DLGAP2: variants seen among roughly 807,000 people sequenced by gnomAD.
DLGAP2 encodes DLG associated protein 2, also known as disks large-associated protein 2.
DLGAP2 carries 26 observed loss-of-function variants against 100.3 expected under a neutral mutation model. The observed-to-expected ratio is 0.26, with a 90% CI of 0.19 to 0.36. The LOEUF (loss-of-function observed/expected upper bound fraction) is 0.36, where lower values mean the gene tolerates loss of function less well. Ranked by LOEUF, DLGAP2 falls within the 10% of genes least tolerant of loss-of-function variation. The probability of loss-of-function intolerance (pLI) is 1.00; values close to 1 mark genes in which losing one functional copy is unlikely to be tolerated. For synonymous variants in DLGAP2, 886 were observed against 630.1 expected, an observed-to-expected ratio of 1.41 and a Z score of -6.08; for missense variants, 1,858 against 1,453.2, an observed-to-expected ratio of 1.28 and a Z score of -4.53.
intron 4 of DLGAP2, among the ~76,000 whole-genome samples, chr8:1,522,069 CG>C (rs1408540158): frequency 6.6e-6 from 1 of 150,712 alleles, no homozygotes; most frequent in Admixed American, 6.6e-5. Flanking sequence ...TTGGAATACT[CG>C]GGGGCAGGTG....
At chr8:1,192,239 T>C (rs1035107551) in intron 2 of DLGAP2, among the ~76,000 whole-genome samples, 2 of 152,222 alleles carry the variant, frequency 1.3e-5, no homozygotes, top group African/African-American at 4.8e-5. Context: ...AGGTGCCAGC[T>C]GAGCTGGGCA....
chr8:1,483,325 G>C (rs979443046), intron 3 of DLGAP2, among the ~76,000 whole-genome samples: 66 of 152,332 alleles, frequency 4.3e-4, no homozygotes, highest in Admixed American at 7.8e-4. Context: ...GTGGCGGGCA[G>C]AGACTGGGCT....
At chr8:919,437 T>A (rs1416092099) in intron 2 of DLGAP2, among the ~76,000 whole-genome samples, 1 of 151,662 alleles carries the variant, frequency 6.6e-6, no homozygotes. Flanking sequence ...GCTGGTGGAG[T>A]CTGTGAGTCC....
intron 2 of DLGAP2, among the ~76,000 whole-genome samples, chr8:1,084,352 T>C (rs533756595): frequency 6.6e-6 from 1 of 152,354 alleles, no homozygotes; most frequent in African/African-American, 2.4e-5. Context: ...CTAATTAACA[T>C]ATCCATTACC....
intron 3 of DLGAP2, among the ~76,000 whole-genome samples, chr8:1,377,393 A>G (rs569969677): frequency 6.6e-6 from 1 of 152,258 alleles, no homozygotes; most frequent in East Asian, 1.9e-4. Context: ...AAATACAAAA[A>G]ATTAGCCAGG....
chr8:1,417,464 T>A (rs539421558), intron 3 of DLGAP2, among the ~76,000 whole-genome samples: 2 of 152,290 alleles, frequency 1.3e-5, no homozygotes, highest in African/African-American at 4.8e-5. Flanking sequence ...GTTCTCTTAC[T>A]GTGAAGGTTA....
chr8:1,182,528 G>T (rs929224094), intron 2 of DLGAP2, among the ~76,000 whole-genome samples: 3 of 152,324 alleles, frequency 2.0e-5, no homozygotes, highest in South Asian at 4.1e-4. Context: ...ATGCTCACAC[G>T]TGTGATGTCT....
intron 12 of DLGAP2, among the ~76,000 whole-genome samples, chr8:1,684,335 C>A (rs4270994): frequency 0.097 from 14,663 of 151,944 alleles, 1,014 homozygotes; most frequent in East Asian, 0.23. Flanking sequence ...ATAAAACTAG[C>A]ACAATATTCA....
intron 1 of DLGAP2, among the ~76,000 whole-genome samples, chr8:869,630 A>G (rs765372002): frequency 6.6e-6 from 1 of 152,236 alleles, no homozygotes. Context: ...GGTGAATTTA[A>G]TCAACATAAG....
intron 1 of DLGAP2, among the ~76,000 whole-genome samples, chr8:779,912 A>G (rs947405167): frequency 6.6e-6 from 1 of 152,212 alleles, no homozygotes; most frequent in Non-Finnish European, 1.5e-5. Flanking sequence ...TATGGAGTAC[A>G]GTGTGATGTT....
intron 2 of DLGAP2, among the ~76,000 whole-genome samples, chr8:986,035 G>A (rs1027951081): frequency 1.3e-5 from 2 of 152,172 alleles, no homozygotes; most frequent in African/African-American, 4.8e-5. Context: ...CCCATTATTA[G>A]GGGGGAGTAT....
chr8:1,211,801 G>A (rs1339265022), intron 2 of DLGAP2, among the ~76,000 whole-genome samples: 1 of 152,242 alleles, frequency 6.6e-6, no homozygotes, highest in Non-Finnish European at 1.5e-5. Context: ...CTTGAACCCG[G>A]GAGGTGGAGG....
intron 2 of DLGAP2, among the ~76,000 whole-genome samples, chr8:1,233,971 C>T (rs534805603): frequency 1.3e-5 from 2 of 152,238 alleles, no homozygotes; most frequent in South Asian, 4.2e-4. Context: ...ACCAGGTGGT[C>T]AATAGGCCTG....
intron 2 of DLGAP2, among the ~76,000 whole-genome samples, chr8:1,221,694 C>T (rs912638337): frequency 5.9e-5 from 9 of 152,152 alleles, no homozygotes; most frequent in African/African-American, 7.2e-5. Context: ...ATATATTTTC[C>T]GAGTTGCTTG....
At chr8:1,192,550 C>T (rs1376030612) in intron 2 of DLGAP2, among the ~76,000 whole-genome samples, 1 of 152,104 alleles carries the variant, frequency 6.6e-6, no homozygotes, top group Non-Finnish European at 1.5e-5. Context: ...TCCAGCCTCT[C>T]TCAAGTCTGT....
intron 12 of DLGAP2, chr8:1,679,005 C>T (rs1563058176): frequency 5.3e-6 from 1 of 188,266 alleles, no homozygotes. Context: ...TCATGCTTTA[C>T]AAGAAAATGC....
intron 8 of DLGAP2, among the ~76,000 whole-genome samples, chr8:1,656,031 A>G (rs1798276417): frequency 6.6e-6 from 1 of 152,220 alleles, no homozygotes; most frequent in Non-Finnish European, 1.5e-5. Context: ...CAGATATTTT[A>G]GAATATTGGA....
At chr8:984,878 G>T (rs1800442659) in intron 2 of DLGAP2, among the ~76,000 whole-genome samples, 2 of 152,116 alleles carry the variant, frequency 1.3e-5, no homozygotes, top group South Asian at 4.1e-4. Context: ...ATTTTTCTTT[G>T]TCTGTGTCTG....
intron 1 of DLGAP2, among the ~76,000 whole-genome samples, chr8:865,126 G>GC (rs1433236623): frequency 6.6e-6 from 1 of 152,114 alleles, no homozygotes; most frequent in Non-Finnish European, 1.5e-5. Context: ...GAACAAGGGG[G>GC]CCCCTTCCAG....
Sources: gnomAD v4.1 joint callset for allele counts (sites outside exome capture counted in the v4.1 genomes callset) on GRCh38, gnomAD v4.1.1 for gene constraint, MANE v1.5 for transcripts, NCBI Gene and HGNC (gene_info 2026-07-23, HGNC 2026-07-21) for gene names.